FRMD6: variants seen among roughly 807,000 people sequenced by gnomAD.
FRMD6 encodes FERM domain-containing protein 6.
FRMD6 carries 37 observed loss-of-function variants against 73.2 expected under a neutral mutation model. The observed-to-expected ratio is 0.51, with a 90% CI of 0.39 to 0.66. The LOEUF is 0.66. Ranked by LOEUF, FRMD6 falls within the 30% of genes least tolerant of loss-of-function variation. The pLI is 0.00. For synonymous variants in FRMD6, 273 were observed against 282.2 expected, an observed-to-expected ratio of 0.97 and a Z score of 0.33; for missense variants, 714 against 780.5, an observed-to-expected ratio of 0.91 and a Z score of 1.02.
chr14:51,689,915 T>C lies in FRMD6; in HGVS notation c.79T>C (p.Ser27Pro). 1 of 1,606,196 alleles carries C rather than the reference T, an allele frequency of 6.2e-7. No individual in the cohort carries two copies. Among genetic ancestry groups the C allele is most frequent in the Admixed American group, 1.7e-5 (1 of 60,012 alleles). Reference protein sequence around the residue: ...SVCIFLPNDESLNIIINVKIL... With the variant: ...SVCIFLPNDEPLNIIINVKIL... ...GTGCATTTTCCTTCCCAACGATGAA[T>C]CTCTGAACATCATCATAAATGTGAG... Residue 27 changes from serine (S) to proline (P), a missense_variant, in exon 2 of 14, where the codon TCT becomes CCT. By Grantham distance (74) the Ser-to-Pro change is moderately conservative. Transcript: ENST00000344768.
At chr14:51,479,991 T>C in the FRMD6 span, among the ~76,000 whole-genome samples, 3 of 152,194 alleles carry the variant, frequency 2.0e-5, no homozygotes, top group Non-Finnish European at 4.4e-5. Context: ...TGGATTTTGA[T>C]ACTATAAGCA....
At chr14:51,681,875 A>G (rs1022723967) in intron 1 of FRMD6, among the ~76,000 whole-genome samples, 3 of 152,194 alleles carry the variant, frequency 2.0e-5, no homozygotes, top group African/African-American at 4.8e-5. Context: ...TTCAAATTAC[A>G]TATCAACCAT....
chr14:51,402,072 A>G, the FRMD6 span, among the ~76,000 whole-genome samples: 2 of 152,192 alleles, frequency 1.3e-5, no homozygotes, highest in Non-Finnish European at 2.9e-5. Flanking sequence ...TTCAGTGGAG[A>G]CTAGATAACA....
the FRMD6 span, among the ~76,000 whole-genome samples, chr14:51,426,885 T>A: frequency 1.3e-3 from 194 of 152,276 alleles, 1 homozygote; most frequent in African/African-American, 4.5e-3. Context: ...CCTCCTATTG[T>A]TTCACCCCAC....
chr14:51,602,313 A>G (rs1439364215), intron 2 of FRMD6, among the ~76,000 whole-genome samples: 1 of 152,204 alleles, frequency 6.6e-6, no homozygotes, highest in Non-Finnish European at 1.5e-5. Flanking sequence ...AGGGTTGGAA[A>G]GAGAATTCTC....
chr14:51,676,434 T>G (rs533584310), intron 1 of FRMD6, among the ~76,000 whole-genome samples: 1 of 152,304 alleles, frequency 6.6e-6, no homozygotes, highest in South Asian at 2.1e-4. Flanking sequence ...ACAAACTGTG[T>G]AGTAAGTGAA....
chr14:51,721,725 AGG>A (rs1241363958), intron 11 of FRMD6, among the ~76,000 whole-genome samples: 2 of 129,880 alleles, frequency 1.5e-5, no homozygotes, highest in Non-Finnish European at 3.2e-5. Context: ...GAAGGGAGGG[AGG>A]AAGGGAGGGA....
chr14:51,705,464 C>T (rs758959523), intron 6 of FRMD6, among the ~76,000 whole-genome samples: 2 of 152,040 alleles, frequency 1.3e-5, no homozygotes, highest in South Asian at 2.1e-4. Context: ...TTTCTCTTCC[C>T]GTCCTTCCTC....
intron 1 of FRMD6, among the ~76,000 whole-genome samples, chr14:51,502,919 G>T (rs771629971): frequency 4.6e-5 from 7 of 152,094 alleles, no homozygotes; most frequent in Non-Finnish European, 8.8e-5. Flanking sequence ...CACATCTCTT[G>T]TTAGCTGTAT....
chr14:51,675,565 T>A (rs1032843970), intron 1 of FRMD6, among the ~76,000 whole-genome samples: 3 of 152,220 alleles, frequency 2.0e-5, no homozygotes, highest in Admixed American at 6.5e-5. Context: ...TTTTGTCTTT[T>A]TAAGTTTATT....
chr14:51,489,730 AGT>A (rs1023524175), intron 1 of FRMD6, among the ~76,000 whole-genome samples: 3 of 152,180 alleles, frequency 2.0e-5, no homozygotes, highest in Admixed American at 2.0e-4. Context: ...TTTTGCTTAC[AGT>A]GTGTGTGTTT....
intron 1 of FRMD6, among the ~76,000 whole-genome samples, chr14:51,535,859 A>G (rs983481268): frequency 1.3e-5 from 2 of 151,772 alleles, no homozygotes; most frequent in African/African-American, 4.8e-5. Context: ...TACACTTATT[A>G]TTGTCTGATT....
chr14:51,718,258 G>T (rs1048321885), intron 10 of FRMD6, among the ~76,000 whole-genome samples: 1 of 152,206 alleles, frequency 6.6e-6, no homozygotes, highest in Admixed American at 6.5e-5. Flanking sequence ...ATGCTAACAT[G>T]TTGACAGGAA....
the FRMD6 span, among the ~76,000 whole-genome samples, chr14:51,445,034 T>C: frequency 6.6e-6 from 1 of 152,182 alleles, no homozygotes; most frequent in Non-Finnish European, 1.5e-5. Flanking sequence ...AACTATTAAT[T>C]TTTTTATTTG....
intron 2 of FRMD6, among the ~76,000 whole-genome samples, chr14:51,616,741 C>T (rs894307130): frequency 3.3e-5 from 5 of 152,128 alleles, no homozygotes; most frequent in African/African-American, 4.8e-5. Flanking sequence ...AGCAGCCCAT[C>T]CAGTTCCACC....
the FRMD6 span, among the ~76,000 whole-genome samples, chr14:51,456,324 C>A: frequency 7.2e-3 from 1,098 of 152,154 alleles, 14 homozygotes; most frequent in African/African-American, 0.025. Context: ...CTGACAGGCC[C>A]CAGTGTGTGA....
At chr14:51,712,210 C>T (rs1896982263) in intron 8 of FRMD6, among the ~76,000 whole-genome samples, 1 of 152,146 alleles carries the variant, frequency 6.6e-6, no homozygotes. Context: ...TCTTGAATAC[C>T]TGAGTCCTTT....
At chr14:51,702,869 C>T (rs969413057) in intron 5 of FRMD6, among the ~76,000 whole-genome samples, 12 of 151,922 alleles carry the variant, frequency 7.9e-5, no homozygotes, top group African/African-American at 2.9e-4. Flanking sequence ...TTTCTCCACT[C>T]CACGTTTTCA....
chr14:51,568,105 A>G (rs924558887), intron 1 of FRMD6, among the ~76,000 whole-genome samples: 2 of 152,262 alleles, frequency 1.3e-5, no homozygotes, highest in African/African-American at 2.4e-5. Flanking sequence ...GCACTTGGCA[A>G]AATAGCTATG....
Sources: allele counts gnomAD v4.1 joint callset (sites outside exome capture counted in the v4.1 genomes callset), GRCh38; gene constraint gnomAD v4.1.1; transcripts MANE v1.5; gene names NCBI Gene and HGNC (gene_info 2026-07-23, HGNC 2026-07-21).